SETD7: variants seen among roughly 807,000 people sequenced by gnomAD.
SETD7 encodes histone-lysine N-methyltransferase SETD7.
SETD7 carries 16 observed loss-of-function variants against 41.8 expected under a neutral mutation model. That is an observed-to-expected ratio of 0.38 (90% CI 0.26 to 0.58). The LOEUF is 0.58. Ranked by LOEUF, SETD7 falls within the 20% of genes least tolerant of loss-of-function variation. SETD7 has a pLI of 0.64. For synonymous variants in SETD7, 163 were observed against 169.7 expected, an observed-to-expected ratio of 0.96 and a Z score of 0.31; for missense variants, 346 against 459.7, an observed-to-expected ratio of 0.75 and a Z score of 2.26.
rs755442328 is a variant in SETD7 at position 139,529,021 on chromosome 4, T to C, written c.562+10A>G. ...ATTGGAGCAACCCATCTGAAGCAGA[T>C]TCAACTTACTTCCAGGCATCAGTTC... On this transcript the variant is annotated intron_variant, in intron 4 of 7. Coordinates refer to ENST00000274031, the MANE Select transcript of SETD7 (RefSeq NM_030648.4). 2 of 1,612,396 alleles carry C rather than the reference T, an allele frequency of 1.2e-6. No homozygotes were observed. The highest frequency in any genetic ancestry group is 1.1e-5 in the South Asian group (1 of 90,888).
chr4:139,528,089 A>C (rs1727382124), intron 4 of SETD7, among the ~76,000 whole-genome samples: 1 of 152,234 alleles, frequency 6.6e-6, no homozygotes, highest in African/African-American at 2.4e-5. Context: ...TTTTCAGGGA[A>C]TCAGACCAAT....
At position 139,523,365 on chromosome 4, in the gene SETD7, A is replaced by AT; in HGVS notation, c.632dup (p.Tyr211Ter). The AT allele has an allele frequency of 6.2e-7, 1 of 1,611,264 alleles. No individual in the cohort carries two copies. The highest frequency in any genetic ancestry group is 8.5e-7 in the Non-Finnish European group (1 of 1,177,446). The change falls in exon 5 of 8, where the codon TAT becomes TAAT. Residue 211 changes from tyrosine (Y) to a stop codon, truncating the protein, a stop_gained and frameshift_variant. Transcript: ENST00000274031. LOFTEE classifies it high-confidence loss of function. ...AAGGAGGAAATTACCTTTCTGATTC[A>AT]TAAGGATCTGGAAGAAGAGCATTGG... ...ISTNALLPDP[Y>*]ESERVYVAES...
intron 6 of SETD7, among the ~76,000 whole-genome samples, chr4:139,520,048 A>G (rs985025455): frequency 6.6e-6 from 1 of 152,162 alleles, no homozygotes; most frequent in African/African-American, 2.4e-5. Context: ...TAATATACCA[A>G]TTACTGTCTT....
chr4:139,513,974 CTT>C (rs1281319151), intron 7 of SETD7, among the ~76,000 whole-genome samples: 38 of 152,336 alleles, frequency 2.5e-4, no homozygotes, highest in Admixed American at 1.0e-3. Flanking sequence ...AATCACAACT[CTT>C]TGCTTAAATT....
intron 5 of SETD7, 71 bp from the exon 6 acceptor site, chr4:139,520,465 A>G (rs1727148510): frequency 2.4e-6 from 2 of 838,460 alleles, no homozygotes; most frequent in Non-Finnish European, 1.9e-6. Context: ...AACTGCCAAA[A>G]TATCATTAAG....
At position 139,547,035 on chromosome 4, in the gene SETD7, C is replaced by A; in HGVS notation, c.55G>T (p.Asp19Tyr). The A allele has an allele frequency of 6.2e-7, 1 of 1,614,126 alleles. No homozygotes were observed. Among genetic ancestry groups the A allele is most frequent in the South Asian group, 1.1e-5 (1 of 91,080 alleles). The change falls in exon 2 of 8, where the codon GAC becomes TAC. Residue 19 changes from aspartate to tyrosine, a missense_variant. Around this residue, in one of 3 missense-constraint regions of SETD7, gnomAD observed 266 missense variants for 377.0 expected, o/e 0.71. Transcript: ENST00000274031. ...GTGCAGAACCCGTGCGGTAATCCGT[C>A]ATCGTCCAGGTGCCCTGGAGAAAGG... is the stretch of plus-strand genomic sequence containing the variant. ...EEAVEGHLDD[D>Y]GLPHGFCTVT...
chr4:139,513,798 A>C (rs1473991614), intron 7 of SETD7, among the ~76,000 whole-genome samples: 1 of 152,252 alleles, frequency 6.6e-6, no homozygotes, highest in East Asian at 1.9e-4. Flanking sequence ...ATGGGGTCAC[A>C]TATAGAAAGC....
At chr4:139,517,757 A>C (rs960438108) in intron 7 of SETD7, 128 bp downstream of exon 7, 9 of 942,508 alleles carry the variant, frequency 9.5e-6, no homozygotes, top group African/African-American at 8.4e-5. Flanking sequence ...TGAGGCCGAT[A>C]GCAGAGGACC....
At chr4:139,527,590 T>G (rs1314433842) in intron 4 of SETD7, among the ~76,000 whole-genome samples, 1 of 151,996 alleles carries the variant, frequency 6.6e-6, no homozygotes, top group Non-Finnish European at 1.5e-5. Context: ...AACAAAAATA[T>G]GGCATAATCT....
At chr4:139,499,461 A>G (rs1014092572) in intron 7 of SETD7, among the ~76,000 whole-genome samples, 2 of 152,228 alleles carry the variant, frequency 1.3e-5, no homozygotes, top group African/African-American at 4.8e-5. Context: ...CCTGTAGATA[A>G]CATTACTACT....
At chr4:139,499,363 T>G (rs1726525559) in intron 7 of SETD7, among the ~76,000 whole-genome samples, 1 of 152,230 alleles carries the variant, frequency 6.6e-6, no homozygotes, top group South Asian at 2.1e-4. Flanking sequence ...TAGGCTGAGT[T>G]AAACAATGAC....
At chr4:139,527,332 T>C (rs1027941141) in intron 4 of SETD7, among the ~76,000 whole-genome samples, 3 of 152,174 alleles carry the variant, frequency 2.0e-5, no homozygotes, top group South Asian at 2.1e-4. Flanking sequence ...GGCAGGAAGA[T>C]TGCTTGAGGC....
Position 139,520,469 on chromosome 4 carries a change from C to T in SETD7, c.645-75G>A, listed in dbSNP as rs1727148635. ...TTCCTTACATCAACTGCCAAAATAT[C>T]ATTAAGGCTACTGATTCCAAAATGT... On this transcript the variant is annotated intron_variant, in intron 5 of 7. Transcript: ENST00000274031. The T allele has an allele frequency of 1.0e-5, 8 of 781,116 alleles. No individual in the cohort carries two copies. In the South Asian group the frequency reaches 1.7e-4, roughly 17 times the overall value. The allele number at this position is 781,116 out of a possible 1,614,324, so 48.4% of individuals were successfully genotyped here. A position where few individuals can be genotyped will look rare whatever the true frequency, so the allele number is the denominator to read the frequency against.
intron 4 of SETD7, among the ~76,000 whole-genome samples, chr4:139,524,992 T>C (rs545966179): frequency 6.6e-6 from 1 of 152,282 alleles, no homozygotes; most frequent in South Asian, 2.1e-4. Flanking sequence ...AATTTTTGTA[T>C]TTTCAGTAGA....
chr4:139,505,352 G>C (rs573974735), downstream of SETD7, among the ~76,000 whole-genome samples: 81 of 152,292 alleles, frequency 5.3e-4, no homozygotes, highest in African/African-American at 1.8e-3. Context: ...ACTTTGGGAG[G>C]CCAAGGCAGG....
At chr4:139,524,311 G>C (rs916693076) in intron 4 of SETD7, among the ~76,000 whole-genome samples, 2 of 152,176 alleles carry the variant, frequency 1.3e-5, no homozygotes, top group African/African-American at 4.8e-5. Context: ...GTCAGTGTCC[G>C]CACAGAAACG....
intron 7 of SETD7, among the ~76,000 whole-genome samples, chr4:139,515,682 T>C (rs1233310802): frequency 6.6e-6 from 1 of 152,224 alleles, no homozygotes; most frequent in African/African-American, 2.4e-5. Context: ...TAAACAGAAG[T>C]TGTAGCTTCA....
intron 2 of SETD7, among the ~76,000 whole-genome samples, chr4:139,539,094 T>TA (rs1412248892): frequency 1.3e-5 from 2 of 152,198 alleles, no homozygotes; most frequent in African/African-American, 4.8e-5. Flanking sequence ...AAACTGTTCT[T>TA]AGAGACTTAA....
intron 4 of SETD7, among the ~76,000 whole-genome samples, chr4:139,526,687 GA>G: frequency 6.6e-6 from 1 of 152,222 alleles, no homozygotes; most frequent in South Asian, 2.1e-4. Flanking sequence ...AACAGGTTCT[GA>G]AAAAATAAAT....
Sources: allele counts gnomAD v4.1 joint callset (sites outside exome capture counted in the v4.1 genomes callset), GRCh38; gene constraint gnomAD v4.1.1; regional missense constraint gnomAD v4.1.1; transcripts MANE v1.5; gene names NCBI Gene and HGNC (gene_info 2026-07-23, HGNC 2026-07-21).